ARHGEF10L: variants seen among roughly 807,000 people sequenced by gnomAD.
ARHGEF10L encodes the protein Rho guanine nucleotide exchange factor 10 like.
A neutral mutation model predicts 141.2 loss-of-function variants in ARHGEF10L; 69 were observed. The observed-to-expected ratio is 0.49, with a 90% CI of 0.40 to 0.60. The LOEUF is 0.60. Ranked by LOEUF, ARHGEF10L falls within the 20% of genes least tolerant of loss-of-function variation. ARHGEF10L has a pLI of 0.00. For synonymous variants in ARHGEF10L, 711 were observed against 718.5 expected, an observed-to-expected ratio of 0.99 and a Z score of 0.17; for missense variants, 1,482 against 1,734.3, an observed-to-expected ratio of 0.85 and a Z score of 2.58.
At chr1:17,672,376 AAG>A (rs1405989144) in intron 26 of ARHGEF10L, among the ~76,000 whole-genome samples, 25 of 152,046 alleles carry the variant, frequency 1.6e-4, no homozygotes, top group Admixed American at 1.6e-3. Flanking sequence ...GAATTTGCAA[AAG>A]AGAAATTCAG....
chr1:17,602,154 T>C lies in ARHGEF10L; in HGVS notation c.285T>C (p.Asp95=). ...TGVPAWVSNG[D]AADAAFSGAR... Reference sequence around the variant, plus strand: ...TGCCAGCCTGGGTGAGCAATGGGGATGCAGCGGACGCAGCCTTCTCCGGGG... The same window carrying C: ...TGCCAGCCTGGGTGAGCAATGGGGACGCAGCGGACGCAGCCTTCTCCGGGG... Residue 95 remains aspartate (D), a synonymous_variant, in exon 5 of 29, where the codon GAT becomes GAC. Coordinates refer to ENST00000361221, the MANE Select transcript of ARHGEF10L (RefSeq NM_018125.4). 2 of 1,580,554 alleles carry C rather than the reference T, an allele frequency of 1.3e-6. No individual in the cohort carries two copies. Among genetic ancestry groups the C allele is most frequent in the Non-Finnish European group, 1.7e-6 (2 of 1,163,090 alleles).
At chr1:17,669,842 G>A (rs887445760) in intron 26 of ARHGEF10L, among the ~76,000 whole-genome samples, 2 of 152,222 alleles carry the variant, frequency 1.3e-5, no homozygotes, top group African/African-American at 2.4e-5. Context: ...CCAGGAGCTC[G>A]GAGTCCAGTG....
intron 9 of ARHGEF10L, chr1:17,618,257 T>TCC: frequency 2.8e-6 from 2 of 714,926 alleles, no homozygotes; most frequent in Non-Finnish European, 4.1e-6. Context: ...TCCTCAGCCC[T>TCC]CCCCACCCCG....
intron 7 of ARHGEF10L, among the ~76,000 whole-genome samples, chr1:17,611,027 G>A (rs2059522117): frequency 6.6e-6 from 1 of 151,914 alleles, no homozygotes; most frequent in Non-Finnish European, 1.5e-5. Flanking sequence ...TTGAAATCAA[G>A]GTCTCTGATC....
intron 25 of ARHGEF10L, among the ~76,000 whole-genome samples, chr1:17,657,778 C>T (rs1557956625): frequency 6.6e-6 from 1 of 152,238 alleles, no homozygotes; most frequent in Admixed American, 6.5e-5. Flanking sequence ...TGCGGAGACT[C>T]ATGGGGAGTT....
At chr1:17,685,630 C>T (rs771867547) in intron 26 of ARHGEF10L, among the ~76,000 whole-genome samples, 1 of 152,238 alleles carries the variant, frequency 6.6e-6, no homozygotes, top group Non-Finnish European at 1.5e-5. Flanking sequence ...AACGTTTGCC[C>T]CACAAGAGTG....
chr1:17,638,336 T>C (rs560563165), intron 19 of ARHGEF10L, among the ~76,000 whole-genome samples: 2 of 152,348 alleles, frequency 1.3e-5, no homozygotes, highest in Admixed American at 6.5e-5. Context: ...TGCGACGGCA[T>C]GTCCCTCTCA....
upstream of ARHGEF10L, among the ~76,000 whole-genome samples, chr1:17,538,172 G>C (rs1012627734): frequency 2.0e-5 from 3 of 152,184 alleles, no homozygotes; most frequent in Non-Finnish European, 4.4e-5. Context: ...TGGCTATGAC[G>C]GCAGGACTCA....
intron 27 of ARHGEF10L, chr1:17,689,711 A>C (rs1208977854): frequency 2.0e-5 from 9 of 451,308 alleles, no homozygotes; most frequent in Non-Finnish European, 4.4e-6. Flanking sequence ...CTGTATCACA[A>C]AACTATCTCC....
At chr1:17,535,836 G>A (rs543815593), upstream of ARHGEF10L, among the ~76,000 whole-genome samples, 5 of 152,108 alleles carry the variant, frequency 3.3e-5, no homozygotes, top group African/African-American at 9.7e-5. Flanking sequence ...TATTTGTCTC[G>A]TGTCTATGCT....
At chr1:17,631,487 C>G (rs559379899) in intron 15 of ARHGEF10L, among the ~76,000 whole-genome samples, 5 of 152,316 alleles carry the variant, frequency 3.3e-5, no homozygotes, top group Non-Finnish European at 7.3e-5. Flanking sequence ...AGAGGCGAGA[C>G]AGGCCAAGGC....
In ARHGEF10L at chr1:17,605,914, T is replaced by A. The variant is rs192878902; in HGVS notation, c.434-1888T>A. Among the ~76,000 whole-genome samples, 13 of 152,352 alleles carry A rather than the reference T, an allele frequency of 8.5e-5. No homozygotes were observed. The East Asian group carries it at 2.5e-3, about 29-fold the overall frequency. ...TCTAAAGACATTAGTTACTATTATC[T>A]TTTGCTTAAAAATAGCCTCATGTTC... On this transcript the variant is annotated intron_variant, in intron 6 of 28. Transcript: ENST00000361221.
chr1:17,570,667 A>G (rs1426851222), intron 1 of ARHGEF10L, among the ~76,000 whole-genome samples: 1 of 152,130 alleles, frequency 6.6e-6, no homozygotes, highest in Non-Finnish European at 1.5e-5. Context: ...TGCTGAGAAC[A>G]ACATGTCAGG....
intron 1 of ARHGEF10L, among the ~76,000 whole-genome samples, chr1:17,571,007 T>C (rs2077974507): frequency 6.6e-6 from 1 of 151,998 alleles, no homozygotes; most frequent in South Asian, 2.1e-4. Context: ...AAGGCTGAGA[T>C]GCCCGATCAA....
At position 17,664,494 on chromosome 1, in the gene ARHGEF10L, G is replaced by A. The variant is rs1011284997; in HGVS notation, c.2908G>A (p.Gly970Arg). 1.9e-6 allele frequency: 3 copies of A among 1,607,566 alleles called. No homozygotes were observed. The highest frequency in any genetic ancestry group is 2.5e-6 in the Non-Finnish European group (3 of 1,179,828). ...GAGCCCTCCCGTGTGCCTGACTGTG[G>A]GGCCCGGGCCTGTCCGCACCCTGTT... ...LESPPVCLTV[G>R]PGPVRTLLSL... is the part of the protein sequence containing the mutation. The change falls in exon 26 of 29, where the codon GGG becomes AGG. Residue 970 changes from glycine to arginine, a missense_variant. Physicochemically the swap from Gly to Arg is moderately radical, Grantham distance 125 (BLOSUM62 -2). Around this residue, in one of 3 missense-constraint regions of ARHGEF10L, gnomAD observed 858 missense variants for 966.3 expected, o/e 0.89. Transcript: ENST00000361221.
rs2080882006 is a variant in ARHGEF10L, at chr1:17,603,448, C to T, written c.350-60C>T. The T allele has an allele frequency of 2.1e-6, 3 of 1,415,830 alleles. No individual in the cohort carries two copies. The highest frequency in any genetic ancestry group is 2.4e-5 in the East Asian group (1 of 42,306). The allele number at this position is 1,415,830 out of a possible 1,614,324, so 87.7% of individuals were successfully genotyped here. On this transcript the variant is annotated intron_variant, in intron 5 of 28. Transcript: ENST00000361221. The surrounding 1 kb of genome is among the most constrained non-coding windows in gnomAD (Gnocchi z 4.8). ...GGTGCAGTCCTGATGTCATCTGCAG[C>T]ACCTCTGGCCAGGCTGCCACAGCCC... is the stretch of plus-strand genomic sequence containing the variant.
At chr1:17,531,652 A>G in the ARHGEF10L span, among the ~76,000 whole-genome samples, 1 of 152,134 alleles carries the variant, frequency 6.6e-6, no homozygotes, top group East Asian at 1.9e-4. Flanking sequence ...GTGTGATTCC[A>G]TGCGGCCTCC....
rs12563436 is a variant in ARHGEF10L, at chr1:17,636,824, T to G, written c.1928-1064T>G. On this transcript the variant is annotated intron_variant, in intron 18 of 28. Coordinates refer to ENST00000361221, the MANE Select transcript of ARHGEF10L (RefSeq NM_018125.4). ...AAATAAGGCTTCCCCTCCACTCCCC[T>G]GGGGCTTCATAAGACCTCAGTGTGC... Among the ~76,000 whole-genome samples, 130 of 152,224 alleles carry G rather than the reference T, an allele frequency of 8.5e-4. 2 individuals carry two copies. In the East Asian group the frequency reaches 0.018, roughly 21 times the overall value.
Position 17,619,101 on chromosome 1 carries a change from A to G in ARHGEF10L, c.836-238A>G, listed in dbSNP as rs565628265. Among the ~76,000 whole-genome samples, 3 of 151,956 alleles carry G rather than the reference A, an allele frequency of 2.0e-5. No individual in the cohort carries two copies. Among genetic ancestry groups the G allele is most frequent in the African/African-American group, 7.2e-5 (3 of 41,450 alleles). ...ACGCAGCTTTGATTTCTGCCTGTTC[A>G]CCCTCTCGCTCACTTGCTCACAATT... On this transcript the variant is annotated intron_variant, in intron 9 of 28. Transcript: ENST00000361221. This position sits in a 1 kb window ranked among gnomAD's most constrained non-coding sequence, Gnocchi z 5.0.
Sources: allele counts gnomAD v4.1 joint callset (sites outside exome capture counted in the v4.1 genomes callset), GRCh38; gene constraint gnomAD v4.1.1; regional missense constraint gnomAD v4.1.1; non-coding constraint Gnocchi (gnomAD v3.1); transcripts MANE v1.5; gene names NCBI Gene and HGNC (gene_info 2026-07-23, HGNC 2026-07-21).